The following CEP170 variants were observed in gnomAD, a reference collection of about 807,000 sequenced individuals.
CEP170 encodes centrosomal protein 170, also known as centrosomal protein of 170 kDa.
A neutral mutation model predicts 151.9 loss-of-function variants in CEP170; 21 were observed. That is an observed-to-expected ratio of 0.14 (90% confidence interval 0.10 to 0.20). The LOEUF (loss-of-function observed/expected upper bound fraction) is 0.20. Among genes scored for constraint, CEP170 ranks in the 10% least tolerant of loss-of-function variants. The pLI is 1.00. For synonymous variants in CEP170, 356 were observed against 648.8 expected, an observed-to-expected ratio of 0.55 and a Z score of 6.86; for missense variants, 964 against 1,892.9, an observed-to-expected ratio of 0.51 and a Z score of 9.11.
At position 243,199,252 on chromosome 1, in the gene CEP170, T is replaced by C. The variant is rs115094072; in HGVS notation, c.497-58A>G. The C allele has an allele frequency of 4.9e-3, 7,617 of 1,566,800 alleles. 187 individuals carry two copies. In the African/African-American group the frequency reaches 0.058, roughly 12 times the overall value. On this transcript the variant is annotated intron_variant, in intron 6 of 19. Transcript: ENST00000366542. ...AGATGAAACAGAAAAGAATACACTT[T>C]CGCAGAATGCTAGAACTGCCTGCTT...
At chr1:243,239,224 T>C (rs2064558627) in intron 1 of CEP170, among the ~76,000 whole-genome samples, 1 of 152,220 alleles carries the variant, frequency 6.6e-6, no homozygotes, top group South Asian at 2.1e-4. Context: ...CCTTTTTTCC[T>C]GTTCTCCCCG....
intron 18 of CEP170, 122 bp downstream of exon 18, chr1:243,129,238 A>C (rs2054083520): frequency 3.4e-6 from 2 of 593,422 alleles, no homozygotes; most frequent in Non-Finnish European, 2.8e-6. Context: ...AAAATTTCCC[A>C]AAATTTTGCA....
In CEP170 at chr1:243,168,652, G is replaced by GA. The variant is rs1286218296; in HGVS notation, c.1843+975dup. Reference sequence around the variant, plus strand: ...CACCATGCTGTGCAGCAGACCTCAGGAAAAAAAAAAGCTTCTTCCACCTGT... The same window carrying GA: ...CACCATGCTGTGCAGCAGACCTCAGGAAAAAAAAAAAGCTTCTTCCACCTGT... On this transcript the variant is annotated intron_variant, in intron 12 of 19. Coordinates refer to ENST00000366542, the MANE Select transcript of CEP170 (RefSeq NM_014812.3). 2.5e-4 allele frequency among the ~76,000 whole-genome samples: 36 copies of GA among 145,322 alleles called. 1 individual carries two copies. The highest frequency in any genetic ancestry group is 2.0e-4 in the East Asian group (1 of 5,026).
intron 13 of CEP170, among the ~76,000 whole-genome samples, chr1:243,158,495 C>T (rs527823909): frequency 3.3e-5 from 5 of 152,158 alleles, no homozygotes; most frequent in African/African-American, 1.2e-4. Context: ...AGAATGGCAT[C>T]GATGGCTGAT....
chr1:243,255,573 C>A (rs1022247828), upstream of CEP170, among the ~76,000 whole-genome samples: 3 of 152,236 alleles, frequency 2.0e-5, no homozygotes, highest in Non-Finnish European at 4.4e-5. Flanking sequence ...GCCGCCTTTA[C>A]AATCTAGGCT....
chr1:243,190,778 A>G (rs1211589940), intron 8 of CEP170, among the ~76,000 whole-genome samples: 1 of 152,220 alleles, frequency 6.6e-6, no homozygotes, highest in Admixed American at 6.5e-5. Context: ...CATGTTTTAT[A>G]GCATAAATAT....
At chr1:243,178,887 T>C (rs1291274602) in intron 10 of CEP170, among the ~76,000 whole-genome samples, 1 of 152,108 alleles carries the variant, frequency 6.6e-6, no homozygotes, top group Non-Finnish European at 1.5e-5. Context: ...CCTGCTGTTT[T>C]TTTTGTATTT....
chr1:243,194,087 C>T lies in CEP170; in HGVS notation c.632-2593G>A, dbSNP rs530954724. Reference sequence around the variant, plus strand: ...CATTACTAACAGTTAAGATCTTCACCGAGAGGTTTTTACTATTTACTCAGA... The same window carrying T: ...CATTACTAACAGTTAAGATCTTCACTGAGAGGTTTTTACTATTTACTCAGA... On this transcript the variant is annotated intron_variant, in intron 7 of 19. Transcript: ENST00000366542. Among the ~76,000 whole-genome samples the T allele has an allele frequency of 4.1e-4, 62 of 151,792 alleles. No homozygotes were observed. In the Middle Eastern group the frequency reaches 0.01, roughly 25 times the overall value.
In CEP170 at chr1:243,161,303, C is replaced by CAA. The variant is rs200842010; in HGVS notation, c.3676+2979_3676+2980dup. 8.2e-3 allele frequency among the ~76,000 whole-genome samples: 885 copies of CAA among 108,516 alleles called. 9 individuals carry two copies. Among genetic ancestry groups the CAA allele is most frequent in the African/African-American group, 0.026 (787 of 30,454 alleles). The allele number at this position is 108,516 out of a possible 152,430, so 71.2% of individuals were successfully genotyped here. A position where few individuals can be genotyped will look rare whatever the true frequency, so the allele number is the denominator to read the frequency against. On this transcript the variant is annotated intron_variant, in intron 13 of 19. Transcript: ENST00000366542. ...GGGCAACAAGAGCAAGAGTCCGTCT[C>CAA]AAAAAAAAAAAAAAGAAGCACTGAA... is the stretch of plus-strand genomic sequence containing the variant.
intron 6 of CEP170, 31 bp downstream of exon 6, chr1:243,200,487 A>ACC: frequency 6.3e-7 from 1 of 1,579,258 alleles, no homozygotes; most frequent in African/African-American, 1.4e-5. Context: ...GATCAAGTAT[A>ACC]AAGATGGTCT....
At chr1:243,249,345 C>A (rs545641374) in intron 1 of CEP170, among the ~76,000 whole-genome samples, 7 of 151,876 alleles carry the variant, frequency 4.6e-5, no homozygotes, top group African/African-American at 9.7e-5. Context: ...TTAAGCCCAG[C>A]GGGTCAAGGC....
intron 4 of CEP170, among the ~76,000 whole-genome samples, chr1:243,205,926 C>CA (rs985893059): frequency 7.4e-6 from 1 of 135,034 alleles, no homozygotes; most frequent in Non-Finnish European, 1.6e-5. Flanking sequence ...AAACAACAAA[C>CA]AAAAAGAAAG....
chr1:243,255,115 TC>T lies in CEP170; in HGVS notation c.-118del. ...CCCGTGAGTCTCTCGCACGCCGTCC[TC>T]CCCCCACCTCGTCGTCGTCGTCGTC... is the stretch of plus-strand genomic sequence containing the variant. On this transcript the variant is annotated 5_prime_UTR_variant, in exon 1 of 20. Transcript: ENST00000366542. 1 of 153,054 alleles carries T rather than the reference TC, an allele frequency of 6.5e-6. No individual in the cohort carries two copies. Among genetic ancestry groups the T allele is most frequent in the Non-Finnish European group, 1.5e-5 (1 of 68,542 alleles). 9.5% of individuals were successfully genotyped at this position (153,054 alleles called of 1,614,324 possible). A position where few individuals can be genotyped will look rare whatever the true frequency, so the allele number is the denominator to read the frequency against.
At chr1:243,228,365 T>G (rs2063468608) in intron 1 of CEP170, among the ~76,000 whole-genome samples, 1 of 152,224 alleles carries the variant, frequency 6.6e-6, no homozygotes, top group Admixed American at 6.5e-5. Flanking sequence ...TTATTAAATC[T>G]CCCATTTACT....
intron 13 of CEP170, among the ~76,000 whole-genome samples, chr1:243,161,324 C>G (rs113611442): frequency 1.3e-5 from 2 of 151,144 alleles, no homozygotes; most frequent in Non-Finnish European, 2.9e-5. Context: ...AAAAGAAGCA[C>G]TGAAAGAATG....
At position 243,191,147 on chromosome 1, in the gene CEP170, T is replaced by A. The variant is rs541537317; in HGVS notation, c.979A>T (p.Met327Leu). The change falls in exon 8 of 20, where the codon ATG becomes TTG. Residue 327 changes from methionine (M) to leucine (L), a missense_variant. Transcript: ENST00000366542. ...TCAGCAACTTTGTTTTCGGGTGCCA[T>A]CATTCCTGTTTGAATCCCCAGCAAG... ...QDLLGIQTGM[M>L]APENKVADWL... is the part of the protein sequence containing the mutation. 9.2e-5 allele frequency: 149 copies of A among 1,613,196 alleles called. 1 individual carries two copies. The South Asian group carries it at 1.5e-3, about 16-fold the overall frequency.
chr1:243,152,515 C>G (rs1017931112), intron 14 of CEP170, among the ~76,000 whole-genome samples: 2 of 137,840 alleles, frequency 1.5e-5, no homozygotes, highest in African/African-American at 5.4e-5. Context: ...GCCACCGCGC[C>G]CAGCCATTTT....
In CEP170 at chr1:243,242,363, C is replaced by T. The variant is rs138360690; in HGVS notation, c.-42+12677G>A. Among the ~76,000 whole-genome samples, 1,059 of 152,124 alleles carry T rather than the reference C, an allele frequency of 7.0e-3. 11 individuals carry two copies. The highest frequency in any genetic ancestry group is 0.023 in the African/African-American group (971 of 41,500). On this transcript the variant is annotated intron_variant, in intron 1 of 19. Transcript: ENST00000366542. ...CCTCCCGAGTAACTGGGACTACAGG[C>T]GCCCGCCACCACGCCCGGCTAATTT...
chr1:243,225,354 A>C (rs2063142652), intron 1 of CEP170, 33 bp from the exon 2 acceptor site: 1 of 867,516 alleles, frequency 1.2e-6, no homozygotes, highest in South Asian at 1.9e-5. Context: ...ATATACGTTC[A>C]GATATTTTTA....
Sources: allele counts gnomAD v4.1 joint callset (sites outside exome capture counted in the v4.1 genomes callset), GRCh38; gene constraint gnomAD v4.1.1; transcripts MANE v1.5; gene names NCBI Gene and HGNC (gene_info 2026-07-23, HGNC 2026-07-21).